Variants in ANAPC1 observed in about 807,000 individuals in gnomAD.
ANAPC1 encodes the protein anaphase promoting complex subunit 1.
Under a neutral mutation model 208.0 loss-of-function variants are expected in ANAPC1, and 36 were observed. That is an observed-to-expected ratio of 0.17 (90% CI 0.13 to 0.23). The LOEUF (loss-of-function observed/expected upper bound fraction) is 0.23. Among genes scored for constraint, ANAPC1 ranks in the 10% least tolerant of loss-of-function variants. The probability of loss-of-function intolerance (pLI) is 1.00; values close to 1 mark genes in which losing one functional copy is unlikely to be tolerated. For missense variants in ANAPC1, 942 were observed against 2,011.6 expected, an observed-to-expected ratio of 0.47 and a Z score of 10.17; for synonymous variants, 378 against 695.2, an observed-to-expected ratio of 0.54 and a Z score of 7.18.
chr2:111,856,881 A>C lies in ANAPC1; in HGVS notation c.1364T>G (p.Val455Gly). The C allele has an allele frequency of 6.2e-7, 1 of 1,611,486 alleles. No individual in the cohort carries two copies. The highest frequency in any genetic ancestry group is 8.5e-7 in the Non-Finnish European group (1 of 1,179,418). ...LVESQLQLRC[V>G]KFQESNDKTQ... is the part of the protein sequence containing the mutation. ...TTTATCATTACTCTCTTGAAACTTT[A>C]CACAGCTAAATAATAAAATAAAAAA... is the stretch of plus-strand genomic sequence containing the variant. The change falls in exon 12 of 48, where the codon GTA becomes GGA. Residue 455 changes from valine (V) to glycine (G), a missense_variant. Physicochemically the swap from Val to Gly is moderately radical, Grantham distance 109. Transcript: ENST00000341068.
chr2:111,794,656 G>A (rs574431735), intron 35 of ANAPC1, among the ~76,000 whole-genome samples, 162 bp downstream of exon 35: 47 of 152,326 alleles, frequency 3.1e-4, no homozygotes, highest in Non-Finnish European at 5.7e-4. Context: ...CTATACTTCA[G>A]AGAGCTTTAA....
At chr2:111,872,424 C>T (rs578223578) in intron 6 of ANAPC1, among the ~76,000 whole-genome samples, 104 of 152,278 alleles carry the variant, frequency 6.8e-4, no homozygotes, top group Non-Finnish European at 1.2e-3. Flanking sequence ...GAGTGTCATG[C>T]TGGAGCTCAA....
At chr2:111,813,342 C>T (rs1558685363) in intron 28 of ANAPC1, among the ~76,000 whole-genome samples, 1 of 151,448 alleles carries the variant, frequency 6.6e-6, no homozygotes, top group Non-Finnish European at 1.5e-5. Context: ...AAGCCCGACT[C>T]CTCTGAGGTA....
intron 34 of ANAPC1, among the ~76,000 whole-genome samples, chr2:111,796,133 G>A (rs1475104786): frequency 2.0e-5 from 3 of 151,798 alleles, no homozygotes; most frequent in African/African-American, 4.8e-5. Flanking sequence ...GCTGAGGCAC[G>A]AGAATCACTT....
intron 19 of ANAPC1, among the ~76,000 whole-genome samples, chr2:111,834,093 A>G (rs1236916357): frequency 1.3e-5 from 2 of 152,216 alleles, no homozygotes; most frequent in Non-Finnish European, 2.9e-5. Context: ...AGACAGGGAC[A>G]ACCTCAGACT....
chr2:111,781,960 G>C (rs1245317816), intron 43 of ANAPC1, among the ~76,000 whole-genome samples: 1 of 152,240 alleles, frequency 6.6e-6, no homozygotes, highest in African/African-American at 2.4e-5. Context: ...CAAGATTAAG[G>C]AAACAAATGG....
At chr2:111,855,045 T>C (rs1415283322) in intron 13 of ANAPC1, among the ~76,000 whole-genome samples, 1 of 152,198 alleles carries the variant, frequency 6.6e-6, no homozygotes, top group Non-Finnish European at 1.5e-5. Flanking sequence ...GTGAGAAACC[T>C]GTGATTCTTC....
intron 9 of ANAPC1, among the ~76,000 whole-genome samples, chr2:111,862,984 T>C (rs1682162526): frequency 6.6e-6 from 1 of 151,560 alleles, no homozygotes; most frequent in Non-Finnish European, 1.5e-5. Flanking sequence ...TATATATCTA[T>C]ATAGAGAAAT....
intron 26 of ANAPC1, among the ~76,000 whole-genome samples, chr2:111,820,703 G>A (rs2104427540): frequency 1.4e-5 from 2 of 140,426 alleles, no homozygotes; most frequent in South Asian, 4.7e-4. Flanking sequence ...GCTCTGGAAT[G>A]TCATAGGCAT....
At chr2:111,854,881 T>C (rs1211023469) in intron 13 of ANAPC1, among the ~76,000 whole-genome samples, 1 of 152,188 alleles carries the variant, frequency 6.6e-6, no homozygotes, top group African/African-American at 2.4e-5. Flanking sequence ...TCAGTTGCCA[T>C]GTTCACTGAA....
intron 9 of ANAPC1, 88 bp downstream of exon 9, chr2:111,863,587 T>C: frequency 7.8e-7 from 1 of 1,284,564 alleles, no homozygotes; most frequent in South Asian, 1.4e-5. Flanking sequence ...CTAAATATAT[T>C]TCCCCTAAAA....
rs577283217 is a variant in ANAPC1, at chr2:111,777,316, A to G, written c.5386-259T>C. 2.0e-5 allele frequency among the ~76,000 whole-genome samples: 3 copies of G among 152,276 alleles called. No individual in the cohort carries two copies. In the South Asian group the frequency reaches 6.2e-4, roughly 32 times the overall value. On this transcript the variant is annotated intron_variant, in intron 45 of 47. Coordinates refer to ENST00000341068, the MANE Select transcript of ANAPC1 (RefSeq NM_022662.4). ...AGGTGAATGAGCTCATTCTTGGCTC[A>G]ACAGCTCCGAATAACCAAGACCCAA...
chr2:111,868,137 ATGTCTG>A, intron 6 of ANAPC1, 41 bp from the exon 7 acceptor site: 1 of 1,433,764 alleles, frequency 7.0e-7, no homozygotes, highest in Non-Finnish European at 9.5e-7. Flanking sequence ...CAATACGAGT[ATGTCTG>A]TGCACAAATT....
intron 38 of ANAPC1, among the ~76,000 whole-genome samples, chr2:111,789,759 C>A (rs1677773538): frequency 6.6e-6 from 1 of 151,950 alleles, no homozygotes; most frequent in Non-Finnish European, 1.5e-5. Flanking sequence ...CATTTAAAAA[C>A]CAAAAATCAC....
intron 7 of ANAPC1, among the ~76,000 whole-genome samples, chr2:111,865,299 C>T (rs1682343107): frequency 6.6e-6 from 1 of 152,174 alleles, no homozygotes; most frequent in South Asian, 2.1e-4. Flanking sequence ...CTCAACTATT[C>T]TGCCAAGTTT....
rs1468786431 is a variant in ANAPC1 at position 111,833,268 on chromosome 2, A to G, written c.2428T>C (p.Tyr810His). The stretch of plus-strand genomic sequence containing the variant: ...CCAGTAGTTCTGACAAGCGTTGGGT[A>G]GTCTCTATAGTAATGATCTACATAA... ...GPYVDHYYRD[Y>H]PTLVRTTGQV... Residue 810 changes from tyrosine (Y) to histidine (H), a missense_variant, in exon 20 of 48, where the codon TAC becomes CAC. Physicochemically the swap from Tyr to His is moderately conservative, Grantham distance 83. Transcript: ENST00000341068. 6.2e-7 allele frequency: 1 copy of G among 1,602,832 alleles called. No individual in the cohort carries two copies. Among genetic ancestry groups the G allele is most frequent in the East Asian group, 2.2e-5 (1 of 44,668 alleles).
chr2:111,864,045 G>A, intron 8 of ANAPC1, 150 bp from the exon 9 acceptor site: 12 of 1,153,962 alleles, frequency 1.0e-5, no homozygotes, highest in Non-Finnish European at 1.4e-5. Flanking sequence ...TCTCAAATGA[G>A]GCCAGGTGCC....
chr2:111,832,476 G>C (rs1400116075), intron 20 of ANAPC1, among the ~76,000 whole-genome samples: 1 of 152,278 alleles, frequency 6.6e-6, no homozygotes, highest in East Asian at 1.9e-4. Flanking sequence ...GAGATGTTCT[G>C]TGTCTGTATC....
At chr2:111,789,225 A>G (rs773993733) in intron 38 of ANAPC1, among the ~76,000 whole-genome samples, 100 of 151,446 alleles carry the variant, frequency 6.6e-4, no homozygotes, top group Non-Finnish European at 1.2e-3. Flanking sequence ...CACTTTTAAG[A>G]TAAAGTTTCA....
Sources: allele counts gnomAD v4.1 joint callset (sites outside exome capture counted in the v4.1 genomes callset), GRCh38; gene constraint gnomAD v4.1.1; transcripts MANE v1.5; gene names NCBI Gene and HGNC (gene_info 2026-07-23, HGNC 2026-07-21).